Variants in ABCA12 observed in about 807,000 individuals in gnomAD.
ABCA12 encodes the protein glucosylceramide transporter ABCA12.
ABCA12 carries 156 observed loss-of-function variants against 293.5 expected under a neutral mutation model. The ratio of observed to expected loss-of-function variants is 0.53; its 90% CI spans 0.47 to 0.61. ABCA12 has a LOEUF of 0.61. ABCA12 is among the 20% of genes least tolerant of loss of function. The pLI, the probability that ABCA12 is intolerant of heterozygous loss-of-function variation, is 0.00. For synonymous variants in ABCA12, 1,063 were observed against 1,108.0 expected (o/e 0.96, Z 0.81); for missense variants, 2,797 against 3,090.2 (o/e 0.91, Z 2.25).
chr2:214,932,633 G>GTT lies in ABCA12; in HGVS notation c.7787_7788dup, dbSNP rs746186140. On this transcript the variant is annotated 3_prime_UTR_variant, in exon 53 of 53. Coordinates refer to ENST00000272895, the MANE Select transcript of ABCA12 (RefSeq NM_173076.3). ...CGCTGAGATTGAGTTTGCTGGAAGT[G>GTT]TTAAGACTCCATCTGGTCATCTTGT... 2 of 1,609,690 alleles carry GTT rather than the reference G, an allele frequency of 1.2e-6. No individual in the cohort carries two copies. The highest frequency in any genetic ancestry group is 3.3e-5 in the Admixed American group (2 of 59,892).
At position 214,989,469 on chromosome 2, in the gene ABCA12, A is replaced by T. The variant is rs767996123; in HGVS notation, c.3695-6T>A. On this transcript the variant is annotated splice_polypyrimidine_tract_variant and splice_region_variant and intron_variant, in intron 25 of 52. Coordinates refer to ENST00000272895, the MANE Select transcript of ABCA12 (RefSeq NM_173076.3). ...CATATTTTCCCACTGAAGACCTAAA[A>T]AGTGAACACAAGTGTTTATTCTTCT... 1 of 1,613,626 alleles carries T rather than the reference A, an allele frequency of 6.2e-7. No individual in the cohort carries two copies. Among genetic ancestry groups the T allele is most frequent in the Non-Finnish European group, 8.5e-7 (1 of 1,179,890 alleles).
chr2:214,933,609 G>C (rs1340098105), intron 52 of ABCA12, among the ~76,000 whole-genome samples: 1 of 113,028 alleles, frequency 8.8e-6, no homozygotes, highest in Non-Finnish European at 1.8e-5. Flanking sequence ...AATTAAGACA[G>C]ATGATGTACG....
At chr2:214,979,181 C>G in intron 31 of ABCA12, 141 bp from the exon 32 acceptor site, 1 of 763,116 alleles carries the variant, frequency 1.3e-6, no homozygotes, top group Non-Finnish European at 2.3e-6. Context: ...CTCTAGAGAC[C>G]CCTTTGCCAC....
At chr2:214,970,524 T>C in intron 36 of ABCA12, 124 bp from the exon 37 acceptor site, 2 of 1,095,106 alleles carry the variant, frequency 1.8e-6, no homozygotes, top group Non-Finnish European at 2.7e-6. Flanking sequence ...GTGATAAGAC[T>C]GTCCTTTGAC....
intron 24 of ABCA12, 89 bp downstream of exon 24, chr2:214,990,613 T>A: frequency 7.4e-7 from 1 of 1,352,838 alleles, no homozygotes; most frequent in Non-Finnish European, 1.0e-6. Context: ...TTAAGATAAG[T>A]GAACTTTCAG....
chr2:214,990,949 A>G lies in ABCA12; in HGVS notation c.3377T>C (p.Ile1126Thr). The G allele has an allele frequency of 6.2e-7, 1 of 1,614,100 alleles. No homozygotes were observed. The highest frequency in any genetic ancestry group is 1.6e-4 in the Middle Eastern group (1 of 6,062). The change falls in exon 24 of 53, where the codon ATC becomes ACC. Residue 1126 changes from isoleucine (I) to threonine (T), a missense_variant. Transcript: ENST00000272895. ...IESVGFLLVT[I>T]VILIIILKFG... ...CTTGAGTATAATGATGAGGATCACGATGGTAACCAGTAAAAATCCAACACT... is the reference window on the plus strand; with the variant it reads ...CTTGAGTATAATGATGAGGATCACGGTGGTAACCAGTAAAAATCCAACACT...
At chr2:215,103,267 CTTTTTT>C (rs72000528) in intron 2 of ABCA12, among the ~76,000 whole-genome samples, 2 of 122,404 alleles carry the variant, frequency 1.6e-5, no homozygotes, top group Non-Finnish European at 3.3e-5. Flanking sequence ...AAATTTCTTT[CTTTTTT>C]TTTTTTTTTT....
chr2:214,988,562 G>C (rs976556375), intron 26 of ABCA12, among the ~76,000 whole-genome samples: 1 of 152,132 alleles, frequency 6.6e-6, no homozygotes, highest in African/African-American at 2.4e-5. Context: ...GGGCTAAATG[G>C]AAAACTAAGC....
chr2:214,992,524 T>TCCC (rs1699939603), intron 23 of ABCA12, among the ~76,000 whole-genome samples: 1 of 46,434 alleles, frequency 2.2e-5, no homozygotes, highest in African/African-American at 1.0e-4. Context: ...TCCCCCCCCT[T>TCCC]TTTTTTTTTT....
chr2:214,988,322 G>A (rs893618661), intron 26 of ABCA12, among the ~76,000 whole-genome samples: 2 of 152,130 alleles, frequency 1.3e-5, no homozygotes, highest in Non-Finnish European at 2.9e-5. Flanking sequence ...TAAGTGTACA[G>A]GTAGATAAGT....
At chr2:215,118,173 G>A (rs12990093) in intron 1 of ABCA12, among the ~76,000 whole-genome samples, 26,094 of 152,028 alleles carry the variant, frequency 0.17, 2,629 homozygotes, top group African/African-American at 0.25. Flanking sequence ...AGGCCGAGGC[G>A]GGCAGATTGC....
At chr2:214,977,820 C>CCT (rs1374812874) in intron 33 of ABCA12, among the ~76,000 whole-genome samples, 5 of 151,780 alleles carry the variant, frequency 3.3e-5, no homozygotes, top group Non-Finnish European at 7.4e-5. Flanking sequence ...CTCAGAGTCA[C>CCT]GTAGGTTAGA....
At chr2:214,944,388 G>C (rs1698508550) in intron 49 of ABCA12, among the ~76,000 whole-genome samples, 1 of 151,544 alleles carries the variant, frequency 6.6e-6, no homozygotes, top group Non-Finnish European at 1.5e-5. Context: ...CTCCAGCCTG[G>C]GTGACAGAGT....
chr2:215,007,694 C>T, intron 19 of ABCA12, 33 bp downstream of exon 19: 1 of 1,613,240 alleles, frequency 6.2e-7, no homozygotes. Context: ...AATTCAAATT[C>T]CTACTAAGTT....
intron 1 of ABCA12, among the ~76,000 whole-genome samples, chr2:215,120,490 G>A (rs890704937): frequency 1.3e-5 from 2 of 152,116 alleles, no homozygotes; most frequent in Non-Finnish European, 2.9e-5. Flanking sequence ...TCTAAAACAC[G>A]AAGGATGAAA....
At position 215,001,570 on chromosome 2, in the gene ABCA12, C is replaced by T. The variant is rs1353723813; in HGVS notation, c.2851G>A (p.Glu951Lys). The change falls in exon 21 of 53, where the codon GAA becomes AAA. Residue 951 changes from glutamate (E) to lysine (K), a missense_variant. Around this residue, in one of 3 missense-constraint regions of ABCA12, gnomAD observed 2,130 missense variants for 2,427.0 expected, o/e 0.88. Coordinates refer to ENST00000272895, the MANE Select transcript of ABCA12 (RefSeq NM_173076.3). ...REAKRLYKSN[E>K]LFGSVIFKLP... is the part of the protein sequence containing the mutation. ...GAACAGCACTTACTTCCAAAGAGTT[C>T]GTTGCTTTTGTAGAGCCTTTTAGCC... 3.0e-5 allele frequency: 49 copies of T among 1,613,468 alleles called. No individual in the cohort carries two copies. Among genetic ancestry groups the T allele is most frequent in the South Asian group, 7.7e-5 (7 of 91,062 alleles).
At chr2:214,954,711 T>C (rs1459276790) in intron 43 of ABCA12, among the ~76,000 whole-genome samples, 1 of 152,210 alleles carries the variant, frequency 6.6e-6, no homozygotes, top group East Asian at 1.9e-4. Flanking sequence ...TGTTAGTGCT[T>C]CTCTTCTCAC....
rs1574915075 is a variant in ABCA12 at position 214,932,215 on chromosome 2, T to C, written c.*419A>G. On this transcript the variant is annotated 3_prime_UTR_variant, in exon 53 of 53. Transcript: ENST00000272895. ...TGTTCATTCTGTTGTTTTCTGGAAA[T>C]AAATTATGTTGTCTGCTTGCCCGGT... 2 of 240,306 alleles carry C rather than the reference T, an allele frequency of 8.3e-6. No homozygotes were observed. The highest frequency in any genetic ancestry group is 2.3e-5 in the African/African-American group (1 of 42,958). 14.9% of individuals were successfully genotyped at this position (240,306 alleles called of 1,614,324 possible). A position where few individuals can be genotyped will look rare whatever the true frequency, so the allele number is the denominator to read the frequency against.
intron 9 of ABCA12, among the ~76,000 whole-genome samples, chr2:215,030,531 G>A (rs1253127269): frequency 6.6e-6 from 1 of 152,036 alleles, no homozygotes. Flanking sequence ...GTGAAGCCGG[G>A]AGGCGGAGCT....
Sources: gnomAD v4.1 joint callset for allele counts (sites outside exome capture counted in the v4.1 genomes callset) on GRCh38, gnomAD v4.1.1 for gene constraint, gnomAD v4.1.1 regional missense constraint, MANE v1.5 for transcripts, NCBI Gene and HGNC (gene_info 2026-07-23, HGNC 2026-07-21) for gene names.